KIAA0513: variants seen among roughly 807,000 people sequenced by gnomAD.
KIAA0513 encodes KIAA0513.
A neutral mutation model predicts 56.5 loss-of-function variants in KIAA0513; 39 were observed. The ratio of observed to expected loss-of-function variants is 0.69; its 90% CI spans 0.53 to 0.90. The LOEUF (loss-of-function observed/expected upper bound fraction) is 0.90. Among genes scored for constraint, KIAA0513 ranks in the 40% least tolerant of loss-of-function variants. The pLI, the probability that KIAA0513 is intolerant of heterozygous loss-of-function variation, is 0.00. For missense variants in KIAA0513, 591 were observed against 535.2 expected (o/e 1.10, Z -1.03); for synonymous variants, 268 against 215.6 (o/e 1.24, Z -2.13).
chr16:85,047,497 C>T (rs923399917), intron 1 of KIAA0513, among the ~76,000 whole-genome samples: 10 of 152,150 alleles, frequency 6.6e-5, no homozygotes, highest in African/African-American at 2.2e-4. Context: ...GAAGAGGACA[C>T]GGAGAAAAAA....
At chr16:85,058,414 G>T (rs922808610) in intron 1 of KIAA0513, among the ~76,000 whole-genome samples, 1 of 152,168 alleles carries the variant, frequency 6.6e-6, no homozygotes. Flanking sequence ...AGCACTTAGG[G>T]AGGCCGAAGC....
intron 1 of KIAA0513, among the ~76,000 whole-genome samples, chr16:85,035,876 A>G (rs1171780793): frequency 6.7e-6 from 1 of 149,438 alleles, no homozygotes; most frequent in Non-Finnish European, 1.5e-5. Context: ...GCTACTTGGG[A>G]GGCTAGGCAG....
intron 10 of KIAA0513, among the ~76,000 whole-genome samples, chr16:85,086,288 C>T (rs777537175): frequency 6.6e-6 from 1 of 152,254 alleles, no homozygotes; most frequent in Non-Finnish European, 1.5e-5. Context: ...AGGACAGGCC[C>T]AGACCCCACT....
rs199640505 is a variant in KIAA0513, at chr16:85,067,409, C to T, written c.329+9C>T. The stretch of plus-strand genomic sequence containing the variant: ...AAGATCTTCTCTGGAGGGTAAGGGG[C>T]CTGTGTGGACGAGACAGCCTGGTGT... On this transcript the variant is annotated intron_variant, in intron 2 of 12. Transcript: ENST00000683363. 1.8e-4 allele frequency: 292 copies of T among 1,586,288 alleles called. No homozygotes were observed. The highest frequency in any genetic ancestry group is 2.5e-4 in the Admixed American group (15 of 59,332).
chr16:85,077,337 C>A lies in KIAA0513; in HGVS notation c.575-88C>A. ...GCTCCCGTATCCCCACTGCACAGGA[C>A]CCCTGCGGGGCTCCCTCTGGGCCTC... On this transcript the variant is annotated intron_variant, in intron 5 of 12. Coordinates refer to ENST00000683363, the MANE Select transcript of KIAA0513 (RefSeq NM_001388359.1). 6.3e-6 allele frequency: 8 copies of A among 1,263,830 alleles called. 1 individual carries two copies. The South Asian group carries it at 9.6e-5, about 15-fold the overall frequency. 78.3% of individuals were successfully genotyped at this position (1,263,830 alleles called of 1,614,324 possible).
At chr16:85,069,381 T>A (rs2073538580) in intron 2 of KIAA0513, among the ~76,000 whole-genome samples, 1 of 152,144 alleles carries the variant, frequency 6.6e-6, no homozygotes, top group Admixed American at 6.5e-5. Flanking sequence ...GGCCAGCAGC[T>A]GATTCAGAAG....
At chr16:85,049,130 T>A (rs188336746) in intron 1 of KIAA0513, among the ~76,000 whole-genome samples, 28 of 152,356 alleles carry the variant, frequency 1.8e-4, no homozygotes, top group Non-Finnish European at 3.5e-4. Flanking sequence ...TACAAGCAGC[T>A]CCAGATTGCA....
At position 85,066,911 on chromosome 16, in the gene KIAA0513, C is replaced by A; in HGVS notation, c.-161C>A. The A allele has an allele frequency of 1.8e-6, 1 of 559,386 alleles. No individual in the cohort carries two copies. The highest frequency in any genetic ancestry group is 3.1e-6 in the Non-Finnish European group (1 of 320,170). The allele number at this position is 559,386 out of a possible 1,614,324, so 34.7% of individuals were successfully genotyped here. On this transcript the variant is annotated 5_prime_UTR_variant, in exon 2 of 13. Coordinates refer to ENST00000683363, the MANE Select transcript of KIAA0513 (RefSeq NM_001388359.1). ...TGTTTCCATTCTAGATGCCGTAGGG[C>A]CAGGTGAGCTGCTGTGAAGGACTCA...
intron 10 of KIAA0513, 85 bp from the exon 11 acceptor site, chr16:85,086,559 G>C: frequency 7.5e-7 from 1 of 1,333,730 alleles, no homozygotes; most frequent in Non-Finnish European, 1.1e-6. Context: ...GGTGCCGCCA[G>C]CACCTGCGGG....
chr16:85,072,802 A>G, intron 3 of KIAA0513, 123 bp from the exon 4 acceptor site: 1 of 926,316 alleles, frequency 1.1e-6, no homozygotes. Flanking sequence ...CAGAGGCAGC[A>G]GACATCCTGG....
In KIAA0513 at chr16:85,076,336, G is replaced by A. The variant is rs2073655301; in HGVS notation, c.574+422G>A. On this transcript the variant is annotated intron_variant, in intron 5 of 12. Coordinates refer to ENST00000683363, the MANE Select transcript of KIAA0513 (RefSeq NM_001388359.1). This position sits in a 1 kb window ranked among gnomAD's most constrained non-coding sequence, Gnocchi z 4.7. Reference sequence around the variant, plus strand: ...GAGCAGCGTAGGATCTGAAGCTGCAGAGAGTTCCCAGGGATGGGCTGGAGA... The same window carrying A: ...GAGCAGCGTAGGATCTGAAGCTGCAAAGAGTTCCCAGGGATGGGCTGGAGA... Among the ~76,000 whole-genome samples the A allele has an allele frequency of 6.6e-6, 1 of 152,230 alleles. No homozygotes were observed. Among genetic ancestry groups the A allele is most frequent in the Non-Finnish European group, 1.5e-5 (1 of 68,036 alleles).
intron 1 of KIAA0513, among the ~76,000 whole-genome samples, chr16:85,033,397 T>C (rs2072993081): frequency 2.0e-5 from 3 of 152,322 alleles, no homozygotes; most frequent in Non-Finnish European, 4.4e-5. Context: ...GATTCCCTTC[T>C]TTTGCGTTTT....
intron 10 of KIAA0513, among the ~76,000 whole-genome samples, chr16:85,086,136 C>G (rs1456669999): frequency 6.6e-6 from 1 of 152,232 alleles, no homozygotes; most frequent in Non-Finnish European, 1.5e-5. Context: ...CCGCAGCTGG[C>G]CCCAGGACGA....
rs914439371 is a variant in KIAA0513, at chr16:85,076,330, G to A, written c.574+416G>A. On this transcript the variant is annotated intron_variant, in intron 5 of 12. Coordinates refer to ENST00000683363, the MANE Select transcript of KIAA0513 (RefSeq NM_001388359.1). This position sits in a 1 kb window ranked among gnomAD's most constrained non-coding sequence, Gnocchi z 4.7. Reference sequence around the variant, plus strand: ...GGGGAGGAGCAGCGTAGGATCTGAAGCTGCAGAGAGTTCCCAGGGATGGGC... The same window carrying A: ...GGGGAGGAGCAGCGTAGGATCTGAAACTGCAGAGAGTTCCCAGGGATGGGC... 3.9e-5 allele frequency among the ~76,000 whole-genome samples: 6 copies of A among 152,218 alleles called. No individual in the cohort carries two copies.
intron 1 of KIAA0513, among the ~76,000 whole-genome samples, chr16:85,035,978 CAAAAAAAA>C (rs898368153): frequency 2.0e-4 from 11 of 55,120 alleles, no homozygotes; most frequent in Non-Finnish European, 4.1e-4. Context: ...GACTCCGTCC[CAAAAAAAA>C]AAAAAAAAAA....
chr16:85,071,973 C>A, intron 3 of KIAA0513, 91 bp downstream of exon 3: 1 of 862,472 alleles, frequency 1.2e-6, no homozygotes, highest in Non-Finnish European at 1.9e-6. Flanking sequence ...TACAATGACA[C>A]TCTGGAGAAA....
intron 1 of KIAA0513, among the ~76,000 whole-genome samples, chr16:85,044,873 C>G (rs1430687329): frequency 1.3e-5 from 2 of 151,600 alleles, no homozygotes; most frequent in African/African-American, 4.8e-5. Context: ...AATCCCAGCA[C>G]TTTGGGAGGC....
At chr16:85,045,481 G>A (rs1002733036) in intron 1 of KIAA0513, among the ~76,000 whole-genome samples, 1 of 152,080 alleles carries the variant, frequency 6.6e-6, no homozygotes, top group Non-Finnish European at 1.5e-5. Flanking sequence ...TCAGCCTCCC[G>A]AGTAGCTGGG....
rs371367470 is a variant in KIAA0513, at chr16:85,075,562, C to T, written c.504-282C>T. On this transcript the variant is annotated intron_variant, in intron 4 of 12. Transcript: ENST00000683363. The stretch of plus-strand genomic sequence containing the variant: ...GGGCTGGCATCTCATCCTGGCTCTG[C>T]TCCTGGGCGTCAAGTTGAGCTTCCC... Among the ~76,000 whole-genome samples the T allele has an allele frequency of 2.9e-4, 44 of 152,306 alleles. No homozygotes were observed. The East Asian group carries it at 6.6e-3, about 23-fold the overall frequency.
Sources: gnomAD v4.1 joint callset for allele counts (sites outside exome capture counted in the v4.1 genomes callset) on GRCh38, gnomAD v4.1.1 for gene constraint, Gnocchi (gnomAD v3.1) non-coding constraint, MANE v1.5 for transcripts, NCBI Gene and HGNC (gene_info 2026-07-23, HGNC 2026-07-21) for gene names.